Variants in KCNT2 observed in about 807,000 individuals in gnomAD.
KCNT2 encodes the protein potassium sodium-activated channel subfamily T member 2.
A neutral mutation model predicts 153.8 loss-of-function variants in KCNT2; 67 were observed. That is an observed-to-expected ratio of 0.44 (90% CI 0.36 to 0.53). The LOEUF (loss-of-function observed/expected upper bound fraction) is 0.53, where lower values mean the gene tolerates loss of function less well. KCNT2 is among the 20% of genes least tolerant of loss of function. The pLI, the probability that KCNT2 is intolerant of heterozygous loss-of-function variation, is 0.00. For synonymous variants in KCNT2, 500 were observed against 458.8 expected (o/e 1.09, Z -1.15); for missense variants, 975 against 1,354.8 (o/e 0.72, Z 4.40).
intron 22 of KCNT2, among the ~76,000 whole-genome samples, chr1:196,293,610 G>A (rs1457102959): frequency 6.6e-6 from 1 of 151,936 alleles, no homozygotes; most frequent in Non-Finnish European, 1.5e-5. Context: ...GCAAGCAAAG[G>A]CATGAAATTG....
intron 8 of KCNT2, among the ~76,000 whole-genome samples, chr1:196,432,205 G>A (rs1482218568): frequency 4.6e-5 from 7 of 152,118 alleles, no homozygotes; most frequent in Non-Finnish European, 8.8e-5. Context: ...TTGCAGGTGC[G>A]CAAAGAGCAC....
At chr1:196,332,785 GTT>G (rs549603960) in intron 17 of KCNT2, among the ~76,000 whole-genome samples, 8 of 136,436 alleles carry the variant, frequency 5.9e-5, no homozygotes, top group Admixed American at 2.2e-4. Context: ...TTATTGGCTA[GTT>G]TTTTTTTTTT....
rs181370686 is a variant in KCNT2 at position 196,567,996 on chromosome 1, G to A, written c.95+40219C>T. Among the ~76,000 whole-genome samples, 40 of 152,216 alleles carry A rather than the reference G, an allele frequency of 2.6e-4. 1 individual carries two copies. The East Asian group carries it at 4.6e-3, about 18-fold the overall frequency. ...AAGTCATCACCTCTAAGGAAGCAAT[G>A]AAACAAAACCAAAAAATCCTAAGAC... On this transcript the variant is annotated intron_variant, in intron 1 of 27. Coordinates refer to ENST00000294725, the MANE Select transcript of KCNT2 (RefSeq NM_198503.5).
chr1:196,496,035 T>C lies in KCNT2; in HGVS notation c.96-3694A>G, dbSNP rs571725600. Among the ~76,000 whole-genome samples, 145 of 152,332 alleles carry C rather than the reference T, an allele frequency of 9.5e-4. 1 individual carries two copies. The highest frequency in any genetic ancestry group is 2.3e-3 in the South Asian group (11 of 4,832). On this transcript the variant is annotated intron_variant, in intron 1 of 27. Transcript: ENST00000294725. The stretch of plus-strand genomic sequence containing the variant: ...GTTTTGATATTGGAAATAGCTGCCA[T>C]GTTGACCTCTCTTACATGTGATTTT...
At chr1:196,566,965 C>T (rs1473340809) in intron 1 of KCNT2, among the ~76,000 whole-genome samples, 1 of 151,892 alleles carries the variant, frequency 6.6e-6, no homozygotes, top group East Asian at 1.9e-4. Context: ...AATCAATCAA[C>T]AAATACAAAC....
intron 14 of KCNT2, among the ~76,000 whole-genome samples, chr1:196,359,342 C>T (rs1667433100): frequency 6.6e-6 from 1 of 151,918 alleles, no homozygotes. Flanking sequence ...ATTCAATTCT[C>T]ACTTCTTCTA....
chr1:196,392,305 A>G (rs1670560206), intron 13 of KCNT2, among the ~76,000 whole-genome samples: 1 of 151,258 alleles, frequency 6.6e-6, no homozygotes, highest in Non-Finnish European at 1.5e-5. Flanking sequence ...GGGCTTGAAC[A>G]TGGCCTTATG....
At chr1:196,505,121 G>A (rs1681024889) in intron 1 of KCNT2, among the ~76,000 whole-genome samples, 1 of 152,064 alleles carries the variant, frequency 6.6e-6, no homozygotes, top group Non-Finnish European at 1.5e-5. Context: ...GGCTTTTGTT[G>A]CCATTGCTTT....
chr1:196,441,834 A>G (rs1341629360), intron 8 of KCNT2, among the ~76,000 whole-genome samples: 1 of 151,794 alleles, frequency 6.6e-6, no homozygotes, highest in Non-Finnish European at 1.5e-5. Flanking sequence ...GTGCTGTACA[A>G]AGTATCTATT....
chr1:196,417,109 G>A (rs987107103), intron 12 of KCNT2, among the ~76,000 whole-genome samples: 2 of 151,950 alleles, frequency 1.3e-5, no homozygotes, highest in Non-Finnish European at 2.9e-5. Context: ...ATCTATAGCA[G>A]AGGTCAGCAA....
intron 1 of KCNT2, among the ~76,000 whole-genome samples, chr1:196,565,855 A>C (rs1660044825): frequency 1.3e-5 from 2 of 151,654 alleles, no homozygotes; most frequent in South Asian, 4.1e-4. Context: ...GTTAAATGAT[A>C]CAAAATTTAT....
chr1:196,326,482 A>G (rs1371299545), intron 19 of KCNT2, among the ~76,000 whole-genome samples: 2 of 152,128 alleles, frequency 1.3e-5, no homozygotes, highest in Non-Finnish European at 2.9e-5. Context: ...CCACTTGCAA[A>G]ACAGTTTTAA....
chr1:196,544,840 T>G (rs1025717012), intron 1 of KCNT2, among the ~76,000 whole-genome samples: 3 of 152,134 alleles, frequency 2.0e-5, no homozygotes, highest in Non-Finnish European at 4.4e-5. Context: ...TGATCACATT[T>G]GTTTTATAGT....
intron 1 of KCNT2, among the ~76,000 whole-genome samples, chr1:196,495,147 A>C (rs1384075572): frequency 6.6e-6 from 1 of 152,344 alleles, no homozygotes; most frequent in African/African-American, 2.4e-5. Context: ...TTAAAACATG[A>C]AATTATACAA....
chr1:196,475,767 T>C (rs570082871), intron 5 of KCNT2, among the ~76,000 whole-genome samples: 1 of 152,312 alleles, frequency 6.6e-6, no homozygotes, highest in African/African-American at 2.4e-5. Flanking sequence ...ATTCACAGAT[T>C]GGACTATATT....
intron 8 of KCNT2, among the ~76,000 whole-genome samples, chr1:196,451,187 T>C (rs1349461817): frequency 6.7e-6 from 1 of 149,822 alleles, no homozygotes; most frequent in Non-Finnish European, 1.5e-5. Context: ...ATTCGCATTG[T>C]TAGTGCTATA....
chr1:196,545,056 G>T (rs1037611708), intron 1 of KCNT2, among the ~76,000 whole-genome samples: 2 of 151,990 alleles, frequency 1.3e-5, no homozygotes, highest in African/African-American at 4.8e-5. Context: ...AAAAATCCTA[G>T]CCCAGTGGAC....
At chr1:196,505,547 G>C (rs1681062330) in intron 1 of KCNT2, among the ~76,000 whole-genome samples, 1 of 151,692 alleles carries the variant, frequency 6.6e-6, no homozygotes, top group Admixed American at 6.6e-5. Flanking sequence ...TTTTGGCTTA[G>C]GATTGACTTG....
Position 196,258,350 on chromosome 1 carries a change from G to A in KCNT2, c.3055C>T (p.Arg1019Ter), listed in dbSNP as rs1035700995. The A allele has an allele frequency of 3.1e-6, 5 of 1,613,786 alleles. No homozygotes were observed. Among genetic ancestry groups the A allele is most frequent in the Non-Finnish European group, 4.2e-6 (5 of 1,179,948 alleles). ...TTTGGGCCTTTTCTGCTCAGTCTTC[G>A]GGCCCACTGCATGCTTTTTCTCCGC... ...LLRRKSMQWA[R>*]RLSRKGPKHS... The change falls in exon 26 of 28, where the codon CGA becomes TGA. Residue 1019 changes from arginine to a stop codon, truncating the protein, a stop_gained. Coordinates refer to ENST00000294725, the MANE Select transcript of KCNT2 (RefSeq NM_198503.5). LOFTEE classifies it high-confidence loss of function.
Sources: allele counts gnomAD v4.1 joint callset (sites outside exome capture counted in the v4.1 genomes callset), GRCh38; gene constraint gnomAD v4.1.1; transcripts MANE v1.5; gene names NCBI Gene and HGNC (gene_info 2026-07-23, HGNC 2026-07-21).